Variants in ATG7 observed in about 807,000 individuals in gnomAD.
ATG7 encodes autophagy related 7.
ATG7 carries 70 observed loss-of-function variants against 82.4 expected under a neutral mutation model. The observed-to-expected ratio is 0.85, with a 90% CI of 0.70 to 1.04. The LOEUF (loss-of-function observed/expected upper bound fraction) is 1.04. ATG7 is among the 50% of genes least tolerant of loss of function. The pLI, the probability that ATG7 is intolerant of heterozygous loss-of-function variation, is 0.00. For missense variants in ATG7, 792 were observed against 864.3 expected (o/e 0.92, Z 1.05); for synonymous variants, 287 against 313.0 (o/e 0.92, Z 0.88).
In ATG7 at chr3:11,295,088, G is replaced by A. The variant is rs570598561; in HGVS notation, c.-10-3598G>A. 2.6e-5 allele frequency among the ~76,000 whole-genome samples: 4 copies of A among 152,188 alleles called. No homozygotes were observed. The East Asian group carries it at 5.8e-4, about 22-fold the overall frequency. On this transcript the variant is annotated intron_variant, in intron 3 of 20. Transcript: ENST00000693202. ...GACTGTGGCACTGCACTCCAGCCTC[G>A]GCAACAGAGCAAGACTCTGTCTCAG...
chr3:11,530,630 G>A (rs1469657190), intron 20 of ATG7, among the ~76,000 whole-genome samples: 2 of 152,032 alleles, frequency 1.3e-5, no homozygotes, highest in Non-Finnish European at 2.9e-5. Flanking sequence ...CTCCAGCAGT[G>A]ACCCCCACTG....
At chr3:11,294,066 G>C (rs1209354623) in intron 3 of ATG7, among the ~76,000 whole-genome samples, 4 of 151,372 alleles carry the variant, frequency 2.6e-5, no homozygotes, top group Non-Finnish European at 4.4e-5. Context: ...AATGACTGAG[G>C]AGAGGGCTGA....
Position 11,305,878 on chromosome 3 carries a change from A to G in ATG7, c.216-1065A>G, listed in dbSNP as rs182038081. ...CAATTTTACATGGACTTTAAATGAA[A>G]AGACATAGGTTCTTCTAAACTATGC... On this transcript the variant is annotated intron_variant, in intron 5 of 20. Transcript: ENST00000693202. 1.6e-4 allele frequency among the ~76,000 whole-genome samples: 25 copies of G among 152,352 alleles called. No homozygotes were observed. The East Asian group carries it at 4.2e-3, about 26-fold the overall frequency.
chr3:11,486,612 T>C (rs2153040223), intron 20 of ATG7, among the ~76,000 whole-genome samples: 1 of 151,974 alleles, frequency 6.6e-6, no homozygotes, highest in South Asian at 2.1e-4. Context: ...CCCTGTCTTG[T>C]GCCAGTTTTC....
intron 20 of ATG7, among the ~76,000 whole-genome samples, chr3:11,464,356 G>A (rs1181973782): frequency 2.6e-5 from 4 of 151,530 alleles, no homozygotes; most frequent in African/African-American, 9.8e-5. Context: ...CTGGGTGAAC[G>A]AGCAAGACCC....
chr3:11,367,070 A>G (rs1009644610), intron 18 of ATG7, among the ~76,000 whole-genome samples: 14 of 151,534 alleles, frequency 9.2e-5, no homozygotes, highest in African/African-American at 3.4e-4. Flanking sequence ...ACTTTCTAAG[A>G]AAGAAAGTGG....
Position 11,372,558 on chromosome 3 carries a change from T to TA in ATG7, c.1876-7413dup, listed in dbSNP as rs75518699. Among the ~76,000 whole-genome samples the TA allele has an allele frequency of 2.2e-4, 34 of 151,148 alleles. 1 individual carries two copies. In the East Asian group the frequency reaches 5.4e-3, roughly 24 times the overall value. Reference sequence around the variant, plus strand: ...ATAACTATCACTTCCACAAATGAGATACAGAATTTTTCTGTCACCCCAAAA... The same window carrying TA: ...ATAACTATCACTTCCACAAATGAGATAACAGAATTTTTCTGTCACCCCAAAA... On this transcript the variant is annotated intron_variant, in intron 18 of 20. Transcript: ENST00000693202.
chr3:11,558,514 C>T (rs771318836), downstream of ATG7: 1 of 1,433,062 alleles, frequency 7.0e-7, no homozygotes. Context: ...AAAGCTCAGG[C>T]AAACCATGCA....
At chr3:11,573,251 GAAAGAAAGAAAGAAAGAAAGAA>G in the ATG7 span, among the ~76,000 whole-genome samples, 1 of 3,770 alleles carries the variant, frequency 2.7e-4, no homozygotes, top group East Asian at 6.1e-3. Context: ...AATAGAGAAA[GAAAGAAAGAAAGAAAGAAAGAA>G]AGAAAGAAAG....
At chr3:11,495,373 C>T (rs1413616375) in intron 20 of ATG7, among the ~76,000 whole-genome samples, 15 of 152,260 alleles carry the variant, frequency 9.9e-5, no homozygotes, top group African/African-American at 3.4e-4. Flanking sequence ...TAAAGTGTCT[C>T]ATCCTGAGGA....
intron 20 of ATG7, among the ~76,000 whole-genome samples, chr3:11,493,552 C>T (rs2090574028): frequency 6.6e-6 from 1 of 152,148 alleles, no homozygotes; most frequent in Admixed American, 6.6e-5. Context: ...TGGGGACCTG[C>T]CCCTGTCTGC....
chr3:11,325,484 C>A (rs1015699020), intron 9 of ATG7, among the ~76,000 whole-genome samples: 1 of 152,070 alleles, frequency 6.6e-6, no homozygotes, highest in African/African-American at 2.4e-5. Context: ...CCAGCCTGAC[C>A]AACATGGTGA....
At chr3:11,357,159 A>G (rs1483383007) in intron 14 of ATG7, among the ~76,000 whole-genome samples, 1 of 152,212 alleles carries the variant, frequency 6.6e-6, no homozygotes, top group Non-Finnish European at 1.5e-5. Flanking sequence ...GATGTTTTCA[A>G]ACACTTCCCT....
intron 16 of ATG7, 114 bp from the exon 17 acceptor site, chr3:11,362,699 C>T (rs1157690161): frequency 2.6e-6 from 2 of 759,502 alleles, no homozygotes; most frequent in Non-Finnish European, 2.1e-6. Context: ...TCTTTGCCAA[C>T]AATGAGCATC....
intron 14 of ATG7, among the ~76,000 whole-genome samples, chr3:11,353,217 G>T (rs1357032504): frequency 6.6e-6 from 1 of 152,142 alleles, no homozygotes; most frequent in East Asian, 1.9e-4. Flanking sequence ...GCTGAGGCGG[G>T]TGGATCACGA....
At chr3:11,400,020 T>C (rs2152893046) in intron 19 of ATG7, among the ~76,000 whole-genome samples, 1 of 152,278 alleles carries the variant, frequency 6.6e-6, no homozygotes, top group East Asian at 1.9e-4. Context: ...CAATGAAAAA[T>C]GTTAAGAAAA....
chr3:11,444,908 A>G (rs1201186221), intron 20 of ATG7, among the ~76,000 whole-genome samples: 1 of 152,236 alleles, frequency 6.6e-6, no homozygotes, highest in African/African-American at 2.4e-5. Flanking sequence ...ACATAAACAC[A>G]CACTTCTAAA....
In ATG7 at chr3:11,378,027, A is replaced by ATTTTTTTTTTTTTTTTTTTTT. The variant is rs61176051; in HGVS notation, c.1876-1927_1876-1926insTTTTTTTTTTTTTTTTTTTTT. ...GCTATCTAACTTATACCAGTTACCAATTTTTTTTTTTTTTTTTTGAGATGG... is the reference window on the plus strand; with the variant it reads ...GCTATCTAACTTATACCAGTTACCAATTTTTTTTTTTTTTTTTTTTTTTTTTTTTTTTTTTTTTTGAGATGG... On this transcript the variant is annotated intron_variant, in intron 18 of 20. Coordinates refer to ENST00000693202, the MANE Select transcript of ATG7 (RefSeq NM_001349232.2). Among the ~76,000 whole-genome samples, 389 of 92,698 alleles carry ATTTTTTTTTTTTTTTTTTTTT rather than the reference A, an allele frequency of 4.2e-3. 55 individuals are homozygous for ATTTTTTTTTTTTTTTTTTTTT. Among genetic ancestry groups the ATTTTTTTTTTTTTTTTTTTTT allele is most frequent in the African/African-American group, 0.011 (200 of 18,712 alleles). 60.8% of individuals were successfully genotyped at this position (92,698 alleles called of 152,430 possible). A position where few individuals can be genotyped will look rare whatever the true frequency, so the allele number is the denominator to read the frequency against.
chr3:11,276,987 AT>A (rs1008096534), intron 1 of ATG7, among the ~76,000 whole-genome samples: 4 of 151,916 alleles, frequency 2.6e-5, no homozygotes, highest in Admixed American at 1.3e-4. Context: ...CTCTCCTTTC[AT>A]TTAGTCATCC....
Sources: allele counts gnomAD v4.1 joint callset (sites outside exome capture counted in the v4.1 genomes callset), GRCh38; gene constraint gnomAD v4.1.1; transcripts MANE v1.5; gene names NCBI Gene and HGNC (gene_info 2026-07-23, HGNC 2026-07-21).